AHCYL2: variants seen among roughly 807,000 people sequenced by gnomAD.
AHCYL2 encodes S-adenosylhomocysteine hydrolase-like protein 2.
In AHCYL2, 28 loss-of-function variants were observed where a neutral mutation model predicts 81.4. That is an observed-to-expected ratio of 0.34 (90% confidence interval 0.25 to 0.47). The LOEUF (loss-of-function observed/expected upper bound fraction) is 0.47, where lower values mean the gene tolerates loss of function less well. Among genes scored for constraint, AHCYL2 ranks in the 20% least tolerant of loss-of-function variants. AHCYL2 has a pLI of 1.00. For missense variants in AHCYL2, 551 were observed against 785.1 expected (o/e 0.70, Z 3.56); for synonymous variants, 272 against 290.2 (o/e 0.94, Z 0.64).
At chr7:129,271,919 A>G (rs1356055608) in intron 1 of AHCYL2, among the ~76,000 whole-genome samples, 2 of 152,304 alleles carry the variant, frequency 1.3e-5, no homozygotes, top group East Asian at 1.9e-4. Context: ...TTCCCTCCAC[A>G]TGTGCACCAC....
At chr7:129,277,511 C>T (rs1796266315) in intron 1 of AHCYL2, among the ~76,000 whole-genome samples, 1 of 152,074 alleles carries the variant, frequency 6.6e-6, no homozygotes, top group Non-Finnish European at 1.5e-5. Flanking sequence ...AACTCCTGGG[C>T]TCAGGCAATC....
chr7:129,241,691 A>G (rs34100080), intron 1 of AHCYL2, among the ~76,000 whole-genome samples: 3,763 of 152,262 alleles, frequency 0.025, 76 homozygotes, highest in Admixed American at 0.057. Flanking sequence ...CATTTTGCAA[A>G]ATTTCTTTAT....
chr7:129,321,743 G>GTTTTTTTTTTTTT, intron 1 of AHCYL2, among the ~76,000 whole-genome samples: 468 of 77,150 alleles, frequency 6.1e-3, no homozygotes, highest in Middle Eastern at 0.029. Context: ...TTCTTTCTTT[G>GTTTTTTTTTTTTT]TTTTTTTTTT....
At chr7:129,334,809 AT>A (rs1798538837) in intron 1 of AHCYL2, among the ~76,000 whole-genome samples, 1 of 152,190 alleles carries the variant, frequency 6.6e-6, no homozygotes, top group Non-Finnish European at 1.5e-5. Context: ...ATTGATTAAT[AT>A]CATTTTGGCT....
intron 4 of AHCYL2, among the ~76,000 whole-genome samples, chr7:129,390,513 T>C (rs761330420): frequency 3.9e-5 from 6 of 152,190 alleles, no homozygotes; most frequent in Non-Finnish European, 7.3e-5. Context: ...ATAAAAGTTA[T>C]GTCACATAAA....
At chr7:129,363,704 A>T (rs1794009983) in intron 1 of AHCYL2, among the ~76,000 whole-genome samples, 1 of 151,868 alleles carries the variant, frequency 6.6e-6, no homozygotes. Context: ...CGCCCAGCTA[A>T]TTTTTGTACT....
At chr7:129,295,670 T>C (rs1409374374) in intron 1 of AHCYL2, among the ~76,000 whole-genome samples, 1 of 152,190 alleles carries the variant, frequency 6.6e-6, no homozygotes, top group Non-Finnish European at 1.5e-5. Context: ...ATAAAAATGA[T>C]TGTAAATTTA....
intron 1 of AHCYL2, among the ~76,000 whole-genome samples, chr7:129,258,222 A>G (rs573014421): frequency 6.9e-6 from 1 of 145,500 alleles, no homozygotes; most frequent in Non-Finnish European, 1.5e-5. Context: ...TCAGATTCAC[A>G]GTTCTCAATT....
Position 129,405,871 on chromosome 7 carries a change from A to T in AHCYL2, c.1178A>T (p.Lys393Met), listed in dbSNP as rs1343511592. ...KRTTDMMFGG[K>M]QVVVCGYGEV... ...ACAACAGACATGATGTTTGGTGGAA[A>T]GCAAGTGGTAGTCTGTGGCTATGGA... The change falls in exon 9 of 17, where the codon AAG becomes ATG. Residue 393 changes from lysine (K) to methionine (M), a missense_variant. Coordinates refer to ENST00000325006, the MANE Select transcript of AHCYL2 (RefSeq NM_015328.4). The T allele has an allele frequency of 6.2e-7, 1 of 1,613,800 alleles. No homozygotes were observed. The highest frequency in any genetic ancestry group is 1.7e-5 in the Admixed American group (1 of 60,002).
chr7:129,322,205 T>C (rs989925268), intron 1 of AHCYL2, among the ~76,000 whole-genome samples: 1 of 152,156 alleles, frequency 6.6e-6, no homozygotes, highest in African/African-American at 2.4e-5. Context: ...AGTGGCGTGA[T>C]CTTGGCTCAC....
intron 1 of AHCYL2, among the ~76,000 whole-genome samples, chr7:129,280,379 G>C (rs1049183592): frequency 1.3e-5 from 2 of 151,916 alleles, no homozygotes; most frequent in African/African-American, 4.8e-5. Context: ...GTGTTGGCCA[G>C]GCTGGTCTGG....
In AHCYL2 at chr7:129,413,627, A is replaced by G; in HGVS notation, c.1400A>G (p.Asp467Gly). The change falls in exon 12 of 17, where the codon GAC (aspartate) becomes GGC (glycine). Residue 467 changes from aspartate to glycine, a missense_variant. By Grantham distance (94) the Asp-to-Gly change is moderately conservative. Transcript: ENST00000325006. ...NKNVVTREHL[D>G]RMKNSCIVCN... ...AATGTGGTAACCAGAGAGCACTTGGACCGTATGAAGAATAGCTGCATCGTT... is the reference window on the plus strand; with the variant it reads ...AATGTGGTAACCAGAGAGCACTTGGGCCGTATGAAGAATAGCTGCATCGTT... 1.2e-6 allele frequency: 2 copies of G among 1,614,154 alleles called. No homozygotes were observed. The highest frequency in any genetic ancestry group is 4.5e-5 in the East Asian group (2 of 44,876).
chr7:129,316,300 A>G (rs1797822590), intron 1 of AHCYL2, among the ~76,000 whole-genome samples: 1 of 152,202 alleles, frequency 6.6e-6, no homozygotes, highest in African/African-American at 2.4e-5. Flanking sequence ...AATTCCAACT[A>G]CAAGATCCAG....
intron 1 of AHCYL2, 72 bp downstream of exon 1, chr7:129,225,511 G>A: frequency 7.1e-7 from 1 of 1,416,570 alleles, no homozygotes; most frequent in Non-Finnish European, 9.2e-7. Flanking sequence ...TCGGCACGGC[G>A]GCACCACCCT....
At chr7:129,296,917 C>CT (rs1407390659) in intron 1 of AHCYL2, among the ~76,000 whole-genome samples, 4 of 152,152 alleles carry the variant, frequency 2.6e-5, no homozygotes, top group Non-Finnish European at 4.4e-5. Context: ...TGAAAATAGC[C>CT]TTATAAAGGA....
chr7:129,237,690 AAT>A (rs1794690340), intron 1 of AHCYL2, among the ~76,000 whole-genome samples: 1 of 152,126 alleles, frequency 6.6e-6, no homozygotes. Context: ...AAGTTAGAAA[AAT>A]GTGATACTGT....
At position 129,225,118 on chromosome 7, in the gene AHCYL2, G is replaced by A; in HGVS notation, c.42G>A (p.Val14=). The A allele has an allele frequency of 6.2e-7, 1 of 1,602,102 alleles. No individual in the cohort carries two copies. The highest frequency in any genetic ancestry group is 8.5e-7 in the Non-Finnish European group (1 of 1,175,526). ...QVVSAAAAAK[V]PEVELKDLSP... ...TGTCAGCCGCGGCTGCCGCCAAGGTGCCTGAGGTGGAGCTGAAGGACCTGA... is the reference window on the plus strand; with the variant it reads ...TGTCAGCCGCGGCTGCCGCCAAGGTACCTGAGGTGGAGCTGAAGGACCTGA... The change falls in exon 1 of 17, where the codon GTG becomes GTA. Residue 14 remains valine (V), a synonymous_variant. Transcript: ENST00000325006.
intron 1 of AHCYL2, among the ~76,000 whole-genome samples, chr7:129,316,746 T>G (rs1016102380): frequency 1.3e-5 from 2 of 152,230 alleles, no homozygotes; most frequent in Non-Finnish European, 2.9e-5. Context: ...TTTCAGTAGT[T>G]TAGAAACTTT....
At chr7:129,331,962 G>A (rs1172764829) in intron 1 of AHCYL2, among the ~76,000 whole-genome samples, 1 of 151,754 alleles carries the variant, frequency 6.6e-6, no homozygotes, top group Non-Finnish European at 1.5e-5. Context: ...CACTGAGAGA[G>A]GTTAAATAAC....
Sources: allele counts gnomAD v4.1 joint callset (sites outside exome capture counted in the v4.1 genomes callset), GRCh38; gene constraint gnomAD v4.1.1; transcripts MANE v1.5; gene names NCBI Gene and HGNC (gene_info 2026-07-23, HGNC 2026-07-21).